The following AFF3 variants were observed in gnomAD, a reference collection of about 807,000 sequenced individuals.
AFF3 encodes ALF transcription elongation factor 3.
AFF3 carries 32 observed loss-of-function variants against 129.7 expected under a neutral mutation model. The observed-to-expected ratio is 0.25, with a 90% CI of 0.19 to 0.33. The LOEUF (loss-of-function observed/expected upper bound fraction) is 0.33. Among genes scored for constraint, AFF3 ranks in the 10% least tolerant of loss-of-function variants. The pLI, the probability that AFF3 is intolerant of heterozygous loss-of-function variation, is 1.00. For missense variants in AFF3, 1,373 were observed against 1,592.0 expected, an observed-to-expected ratio of 0.86 and a Z score of 2.34; for synonymous variants, 644 against 635.4, an observed-to-expected ratio of 1.01 and a Z score of -0.20.
chr2:99,961,348 G>A (rs1424282882), intron 7 of AFF3, among the ~76,000 whole-genome samples: 1 of 152,198 alleles, frequency 6.6e-6, no homozygotes, highest in African/African-American at 2.4e-5. Flanking sequence ...GTTATTAATT[G>A]CTCAAGTCAG....
chr2:99,622,904 G>A (rs1036514220), intron 13 of AFF3, among the ~76,000 whole-genome samples: 2 of 152,186 alleles, frequency 1.3e-5, no homozygotes, highest in Non-Finnish European at 2.9e-5. Flanking sequence ...GGGAGCTCCC[G>A]GTGGAAGCTC....
chr2:100,064,312 C>T (rs1357353369), intron 4 of AFF3, among the ~76,000 whole-genome samples: 1 of 152,132 alleles, frequency 6.6e-6, no homozygotes, highest in Non-Finnish European at 1.5e-5. Flanking sequence ...AGCATTCACT[C>T]AATGAGAAAG....
chr2:100,096,036 G>A (rs1231707006), intron 4 of AFF3, among the ~76,000 whole-genome samples: 1 of 152,016 alleles, frequency 6.6e-6, no homozygotes, highest in Non-Finnish European at 1.5e-5. Flanking sequence ...ATGGCCACGG[G>A]GTAGTGCAAT....
chr2:100,116,729 TA>T (rs1691749696), intron 2 of AFF3, among the ~76,000 whole-genome samples: 1 of 152,176 alleles, frequency 6.6e-6, no homozygotes, highest in African/African-American at 2.4e-5. Flanking sequence ...TTTATATAGT[TA>T]ATTTTCATTA....
chr2:99,606,231 C>T (rs985604578), intron 13 of AFF3, among the ~76,000 whole-genome samples: 2 of 152,130 alleles, frequency 1.3e-5, no homozygotes, highest in African/African-American at 2.4e-5. Flanking sequence ...TGCCACTGCA[C>T]CCCAGTCTGG....
chr2:100,130,706 G>T (rs1273665542), intron 1 of AFF3, among the ~76,000 whole-genome samples: 1 of 152,100 alleles, frequency 6.6e-6, no homozygotes, highest in South Asian at 2.1e-4. Flanking sequence ...AAAATCACTG[G>T]CTGCAGTGTG....
intron 8 of AFF3, among the ~76,000 whole-genome samples, chr2:99,772,419 T>A (rs1399975237): frequency 6.6e-6 from 1 of 152,204 alleles, no homozygotes; most frequent in African/African-American, 2.4e-5. Flanking sequence ...CACAAATACA[T>A]GTCAGGATTC....
At chr2:99,562,522 T>A (rs1675563480) in intron 20 of AFF3, among the ~76,000 whole-genome samples, 1 of 152,270 alleles carries the variant, frequency 6.6e-6, no homozygotes, top group Non-Finnish European at 1.5e-5. Flanking sequence ...TTCCATTTCT[T>A]TGAAAAGATT....
chr2:100,116,982 A>C (rs1691759355), intron 2 of AFF3, among the ~76,000 whole-genome samples: 1 of 152,146 alleles, frequency 6.6e-6, no homozygotes, highest in Admixed American at 6.5e-5. Context: ...TCTTTTCCTT[A>C]AGTACTTTGA....
chr2:99,938,087 T>C (rs1185022288), intron 7 of AFF3, among the ~76,000 whole-genome samples: 1 of 152,196 alleles, frequency 6.6e-6, no homozygotes, highest in Non-Finnish European at 1.5e-5. Flanking sequence ...TTAAAATACC[T>C]ACTCTTTAGA....
intron 7 of AFF3, among the ~76,000 whole-genome samples, chr2:99,931,937 A>C (rs1342828244): frequency 6.6e-6 from 1 of 152,176 alleles, no homozygotes; most frequent in Non-Finnish European, 1.5e-5. Flanking sequence ...AACATACTAC[A>C]AGTGAAAGTA....
At chr2:100,044,819 A>T (rs558068564) in intron 4 of AFF3, among the ~76,000 whole-genome samples, 2 of 152,120 alleles carry the variant, frequency 1.3e-5, no homozygotes, top group South Asian at 4.2e-4. Context: ...TAGAGGCCCC[A>T]TCAAACATGG....
chr2:99,603,130 T>TTA (rs1212817250), intron 13 of AFF3, among the ~76,000 whole-genome samples: 2 of 152,194 alleles, frequency 1.3e-5, no homozygotes, highest in Non-Finnish European at 2.9e-5. Flanking sequence ...TTCCAGCCTG[T>TTA]TATTTGTGTC....
rs190102124 is a variant in AFF3, at chr2:99,982,238, C to T, written c.873+24394G>A. ...GTGGGACAGACCAGGTGGGAGATGA[C>T]TGAATTATGGGGGCAGGTCTTTCCC... On this transcript the variant is annotated intron_variant, in intron 7 of 24. Coordinates refer to ENST00000672756, the MANE Select transcript of AFF3 (RefSeq NM_001386135.1). 5.6e-3 allele frequency among the ~76,000 whole-genome samples: 850 copies of T among 152,244 alleles called. 7 individuals are homozygous for T. The highest frequency in any genetic ancestry group is 0.02 in the African/African-American group (821 of 41,530).
chr2:99,862,164 T>C (rs1395071745), intron 7 of AFF3, among the ~76,000 whole-genome samples: 5 of 152,078 alleles, frequency 3.3e-5, no homozygotes, highest in African/African-American at 1.2e-4. Context: ...AGTTTCCAGG[T>C]TTTCTTTTAA....
At chr2:100,122,600 T>C (rs1194003399) in intron 2 of AFF3, among the ~76,000 whole-genome samples, 1 of 152,120 alleles carries the variant, frequency 6.6e-6, no homozygotes, top group African/African-American at 2.4e-5. Flanking sequence ...AGACCCTGAA[T>C]TGGAAAATGA....
chr2:99,909,614 A>G (rs951899731), intron 7 of AFF3, among the ~76,000 whole-genome samples: 4 of 151,924 alleles, frequency 2.6e-5, no homozygotes, highest in Non-Finnish European at 5.9e-5. Context: ...ATAATAATAA[A>G]AAAAAAAGAA....
chr2:100,009,603 T>C (rs900349719), intron 4 of AFF3, among the ~76,000 whole-genome samples: 1 of 152,196 alleles, frequency 6.6e-6, no homozygotes, highest in African/African-American at 2.4e-5. Flanking sequence ...TTATGTTGTG[T>C]CATCAAGGAA....
At chr2:99,582,735 CAG>C in intron 17 of AFF3, 61 bp downstream of exon 17, 2 of 1,561,730 alleles carry the variant, frequency 1.3e-6, no homozygotes, top group Non-Finnish European at 1.8e-6. Flanking sequence ...AGGTTAGAGA[CAG>C]AGCTTGGGGG....
Sources: gnomAD v4.1 joint callset for allele counts (sites outside exome capture counted in the v4.1 genomes callset) on GRCh38, gnomAD v4.1.1 for gene constraint, MANE v1.5 for transcripts, NCBI Gene and HGNC (gene_info 2026-07-23, HGNC 2026-07-21) for gene names.